Variants in UBLCP1 observed in about 807,000 individuals in gnomAD.
UBLCP1 encodes ubiquitin like domain containing CTD phosphatase 1, also known as ubiquitin-like domain-containing CTD phosphatase 1.
In UBLCP1, 28 loss-of-function variants were observed where a neutral mutation model predicts 42.4. The observed-to-expected ratio is 0.66, with a 90% CI of 0.49 to 0.90. The LOEUF (loss-of-function observed/expected upper bound fraction) is 0.90, where lower values mean the gene tolerates loss of function less well. Ranked by LOEUF, UBLCP1 falls within the 40% of genes least tolerant of loss-of-function variation. The pLI, the probability that UBLCP1 is intolerant of heterozygous loss-of-function variation, is 0.00. For synonymous variants in UBLCP1, 122 were observed against 120.8 expected (o/e 1.01, Z -0.07); for missense variants, 279 against 374.5 (o/e 0.75, Z 2.10).
At chr5:159,269,816 C>T (rs1157507318) in intron 2 of UBLCP1, 92 bp from the exon 3 acceptor site, 4 of 1,036,270 alleles carry the variant, frequency 3.9e-6, no homozygotes, top group Non-Finnish European at 5.7e-6. Flanking sequence ...GACATCTGTA[C>T]CAAACCTTTT....
At chr5:159,279,710 T>G (rs1295726088) in intron 9 of UBLCP1, among the ~76,000 whole-genome samples, 1 of 152,242 alleles carries the variant, frequency 6.6e-6, no homozygotes, top group Admixed American at 6.5e-5. Flanking sequence ...TTGTCCTTAA[T>G]GGTTTCTGTT....
rs1027550677 is a variant in UBLCP1 at position 159,285,938 on chromosome 5, T to C, written c.*1007T>C. The C allele has an allele frequency of 1.3e-5, 2 of 152,798 alleles. No homozygotes were observed. The highest frequency in any genetic ancestry group is 2.4e-5 in the African/African-American group (1 of 41,464). 9.5% of individuals were successfully genotyped at this position (152,798 alleles called of 1,614,324 possible). ...TGACAATATTGCTTTATACAGTTCT[T>C]GTATTTGAAAGGAATTGATCCTTTT... On this transcript the variant is annotated 3_prime_UTR_variant, in exon 11 of 11. Coordinates refer to ENST00000296786, the MANE Select transcript of UBLCP1 (RefSeq NM_145049.5).
At chr5:159,270,059 C>G in intron 3 of UBLCP1, 60 bp downstream of exon 3, 6 of 1,333,644 alleles carry the variant, frequency 4.5e-6, no homozygotes, top group Non-Finnish European at 6.3e-6. Context: ...TTATACTACA[C>G]TGTTGTATTA....
Position 159,278,348 on chromosome 5 carries a change from A to G in UBLCP1, c.795A>G (p.Gly265=), listed in dbSNP as rs953514363. The G allele has an allele frequency of 4.4e-6, 7 of 1,602,060 alleles. No individual in the cohort carries two copies. The highest frequency in any genetic ancestry group is 3.3e-5 in the Admixed American group (2 of 60,004). The part of the protein sequence containing the change: ...GRNFLMNPQN[G]LKIRPFMKAH... ...ATTTTCTAATGAACCCACAGAATGGACTAAAGGTAAGACATACTTTTACTT... is the reference window on the plus strand; with the variant it reads ...ATTTTCTAATGAACCCACAGAATGGGCTAAAGGTAAGACATACTTTTACTT... The change falls in exon 9 of 11, where the codon GGA becomes GGG. Residue 265 remains glycine, a synonymous_variant. Transcript: ENST00000296786.
intron 1 of UBLCP1, among the ~76,000 whole-genome samples, chr5:159,267,239 G>A (rs377306157): frequency 1.3e-5 from 2 of 152,344 alleles, no homozygotes; most frequent in South Asian, 2.1e-4. Flanking sequence ...TCTTGCATCA[G>A]TGTGACCTGG....
chr5:159,280,412 C>T (rs1753593925), intron 9 of UBLCP1, among the ~76,000 whole-genome samples: 1 of 152,190 alleles, frequency 6.6e-6, no homozygotes, highest in Non-Finnish European at 1.5e-5. Flanking sequence ...CAGTGATCCT[C>T]ACATGTCAGC....
Position 159,263,357 on chromosome 5 carries a change from C to T in UBLCP1, c.-50C>T, listed in dbSNP as rs544930396. The T allele has an allele frequency of 6.6e-6, 1 of 152,356 alleles. No individual in the cohort carries two copies. Among genetic ancestry groups the T allele is most frequent in the Non-Finnish European group, 1.5e-5 (1 of 68,074 alleles). 9.4% of individuals were successfully genotyped at this position (152,356 alleles called of 1,614,324 possible). On this transcript the variant is annotated 5_prime_UTR_variant, in exon 1 of 11. Coordinates refer to ENST00000296786, the MANE Select transcript of UBLCP1 (RefSeq NM_145049.5). ...CCGCTGCCGCAGGTTCCACCGCGCTCCAGGTGAGGGGTTGCGGGGCACCCT... is the reference window on the plus strand; with the variant it reads ...CCGCTGCCGCAGGTTCCACCGCGCTTCAGGTGAGGGGTTGCGGGGCACCCT...
intron 9 of UBLCP1, among the ~76,000 whole-genome samples, chr5:159,280,343 C>T (rs1753593145): frequency 6.6e-6 from 1 of 152,188 alleles, no homozygotes; most frequent in African/African-American, 2.4e-5. Context: ...TGCTCTGTCA[C>T]CCAGGCTGGA....
intron 8 of UBLCP1, among the ~76,000 whole-genome samples, chr5:159,277,962 T>A (rs1258822072): frequency 2.0e-5 from 3 of 152,198 alleles, no homozygotes; most frequent in Non-Finnish European, 4.4e-5. Context: ...AATTAAATAA[T>A]TTATTTATTT....
chr5:159,283,887 G>A (rs956475754), intron 10 of UBLCP1, among the ~76,000 whole-genome samples: 1 of 152,032 alleles, frequency 6.6e-6, no homozygotes, highest in African/African-American at 2.4e-5. Context: ...AAACCCAAAT[G>A]TTTGCACAAA....
intron 7 of UBLCP1, 25 bp downstream of exon 7, chr5:159,274,647 T>A: frequency 6.3e-7 from 1 of 1,596,678 alleles, no homozygotes; most frequent in Non-Finnish European, 8.6e-7. Flanking sequence ...GCAATCCATT[T>A]AAAAATATTT....
chr5:159,280,736 A>G (rs1186940886), intron 9 of UBLCP1, among the ~76,000 whole-genome samples: 1 of 152,210 alleles, frequency 6.6e-6, no homozygotes, highest in African/African-American at 2.4e-5. Context: ...TAAAATAGTT[A>G]ACTTCTATTA....
Position 159,283,196 on chromosome 5 carries a change from G to T in UBLCP1, c.802-16G>T. On this transcript the variant is annotated splice_polypyrimidine_tract_variant and intron_variant, in intron 9 of 10. Transcript: ENST00000296786. ...ATCACATTGTGATGTGTTGAGTAAT[G>T]TTTGTTTCCTAATAGATAAGGCCTT... 6.3e-7 allele frequency: 1 copy of T among 1,597,482 alleles called. No individual in the cohort carries two copies. Among genetic ancestry groups the T allele is most frequent in the Admixed American group, 1.8e-5 (1 of 56,042 alleles).
At position 159,285,828 on chromosome 5, in the gene UBLCP1, G is replaced by A. The variant is rs1584743581; in HGVS notation, c.*897G>A. 1 of 152,644 alleles carries A rather than the reference G, an allele frequency of 6.6e-6. No homozygotes were observed. Among genetic ancestry groups the A allele is most frequent in the South Asian group, 2.1e-4 (1 of 4,830 alleles). The allele number at this position is 152,644 out of a possible 1,614,324, so 9.5% of individuals were successfully genotyped here. A position where few individuals can be genotyped will look rare whatever the true frequency, so the allele number is the denominator to read the frequency against. Reference sequence around the variant, plus strand: ...GTCTAAGTGCTAACACTGTTTCAGTGAAAATATCTAGCCATAAGATTAAAA... The same window carrying A: ...GTCTAAGTGCTAACACTGTTTCAGTAAAAATATCTAGCCATAAGATTAAAA... On this transcript the variant is annotated 3_prime_UTR_variant, in exon 11 of 11. Coordinates refer to ENST00000296786, the MANE Select transcript of UBLCP1 (RefSeq NM_145049.5).
At chr5:159,266,601 G>A (rs1217271877) in intron 1 of UBLCP1, among the ~76,000 whole-genome samples, 2 of 152,200 alleles carry the variant, frequency 1.3e-5, no homozygotes, top group African/African-American at 4.8e-5. Context: ...AGACCGTGGG[G>A]AAAATGTCTC....
At chr5:159,283,977 A>G (rs975465279) in intron 10 of UBLCP1, among the ~76,000 whole-genome samples, 2 of 152,096 alleles carry the variant, frequency 1.3e-5, no homozygotes, top group Non-Finnish European at 2.9e-5. Flanking sequence ...ATTACTATGT[A>G]TTACAGTATT....
At chr5:159,272,169 A>G (rs756565631) in intron 6 of UBLCP1, 48 bp downstream of exon 6, 14 of 1,444,816 alleles carry the variant, frequency 9.7e-6, no homozygotes, top group Middle Eastern at 1.8e-4. Flanking sequence ...AGGTTGTTCC[A>G]TATATTATTG....
Position 159,284,004 on chromosome 5 carries a change from C to A in UBLCP1, c.929+665C>A, listed in dbSNP as rs147359590. ...TACAGTATTTGGGGGGGAATTAGATCTTTGAGGATCTGGTTCCAGTAATAC... is the reference window on the plus strand; with the variant it reads ...TACAGTATTTGGGGGGGAATTAGATATTTGAGGATCTGGTTCCAGTAATAC... On this transcript the variant is annotated intron_variant, in intron 10 of 10. Transcript: ENST00000296786. Among the ~76,000 whole-genome samples, 974 of 152,162 alleles carry A rather than the reference C, an allele frequency of 6.4e-3. 10 individuals carry two copies. Among genetic ancestry groups the A allele is most frequent in the African/African-American group, 0.021 (890 of 41,526 alleles).
intron 8 of UBLCP1, among the ~76,000 whole-genome samples, chr5:159,277,960 A>T (rs1157545331): frequency 1.3e-5 from 2 of 152,194 alleles, no homozygotes; most frequent in Non-Finnish European, 2.9e-5. Context: ...AAAATTAAAT[A>T]ATTTATTTAT....
Sources: gnomAD v4.1 joint callset for allele counts (sites outside exome capture counted in the v4.1 genomes callset) on GRCh38, gnomAD v4.1.1 for gene constraint, MANE v1.5 for transcripts, NCBI Gene and HGNC (gene_info 2026-07-23, HGNC 2026-07-21) for gene names.